AGO3: variants seen among roughly 807,000 people sequenced by gnomAD.
AGO3 encodes argonaute RISC catalytic component 3, also known as protein argonaute-3.
A neutral mutation model predicts 105.5 loss-of-function variants in AGO3; 16 were observed. That is an observed-to-expected ratio of 0.15 (90% CI 0.10 to 0.23). The LOEUF is 0.23. AGO3 is among the 10% of genes least tolerant of loss of function. The probability of loss-of-function intolerance (pLI) is 1.00; values close to 1 mark genes in which losing one functional copy is unlikely to be tolerated. For synonymous variants in AGO3, 340 were observed against 367.3 expected, an observed-to-expected ratio of 0.93 and a Z score of 0.85; for missense variants, 534 against 1,088.0, an observed-to-expected ratio of 0.49 and a Z score of 7.16.
In AGO3 at chr1:35,931,150, T is replaced by C. The variant is rs1646036697; in HGVS notation, c.-277T>C. 1 of 387,418 alleles carries C rather than the reference T, an allele frequency of 2.6e-6. No individual in the cohort carries two copies. Among genetic ancestry groups the C allele is most frequent in the African/African-American group, 2.1e-5 (1 of 47,772 alleles). 24.0% of individuals were successfully genotyped at this position (387,418 alleles called of 1,614,324 possible). A position where few individuals can be genotyped will look rare whatever the true frequency, so the allele number is the denominator to read the frequency against. ...CAGTCGTGGAGGAGCGGTGGGAGCGTCGGCGGCCGCGGGCGATGCAACTTC... is the reference window on the plus strand; with the variant it reads ...CAGTCGTGGAGGAGCGGTGGGAGCGCCGGCGGCCGCGGGCGATGCAACTTC... On this transcript the variant is annotated 5_prime_UTR_variant, in exon 1 of 19. Coordinates refer to ENST00000373191, the MANE Select transcript of AGO3 (RefSeq NM_024852.4).
At chr1:36,024,432 C>T (rs768957283) in intron 11 of AGO3, among the ~76,000 whole-genome samples, 1 of 152,154 alleles carries the variant, frequency 6.6e-6, no homozygotes, top group African/African-American at 2.4e-5. Flanking sequence ...CCACCGCACT[C>T]TGCCGACCTT....
At chr1:35,992,685 C>T (rs1289195961) in intron 5 of AGO3, among the ~76,000 whole-genome samples, 2 of 152,194 alleles carry the variant, frequency 1.3e-5, no homozygotes, top group Middle Eastern at 3.2e-3. Flanking sequence ...TGTGACATAG[C>T]ATATACTTAA....
intron 11 of AGO3, among the ~76,000 whole-genome samples, chr1:36,020,439 A>G (rs1192758996): frequency 6.6e-6 from 1 of 152,158 alleles, no homozygotes; most frequent in Non-Finnish European, 1.5e-5. Flanking sequence ...TGTCTCTTCA[A>G]TATGGTTCTG....
At chr1:35,987,756 T>TA (rs1196920982) in intron 5 of AGO3, among the ~76,000 whole-genome samples, 2 of 145,118 alleles carry the variant, frequency 1.4e-5, no homozygotes, top group African/African-American at 5.1e-5. Flanking sequence ...GGCAAAAAAA[T>TA]AAGATTGATT....
In AGO3 at chr1:36,057,453, T is replaced by C. The variant is rs931876671; in HGVS notation, c.*1708T>C. 1 of 152,134 alleles carries C rather than the reference T, an allele frequency of 6.6e-6. No homozygotes were observed. The highest frequency in any genetic ancestry group is 2.4e-5 in the African/African-American group (1 of 41,436). 9.4% of individuals were successfully genotyped at this position (152,134 alleles called of 1,614,324 possible). ...TGCTTTAATAATTATAGAATTGTAT[T>C]GGCAGCATCTTTTATAGAAATATAA... is the stretch of plus-strand genomic sequence containing the variant. On this transcript the variant is annotated 3_prime_UTR_variant, in exon 19 of 19. Coordinates refer to ENST00000373191, the MANE Select transcript of AGO3 (RefSeq NM_024852.4).
At chr1:36,040,223 C>T in intron 15 of AGO3, 84 bp from the exon 16 acceptor site, 2 of 1,434,438 alleles carry the variant, frequency 1.4e-6, no homozygotes, top group African/African-American at 1.4e-5. Flanking sequence ...TTAAGGAATC[C>T]TGAGATTAAA....
At chr1:36,012,691 T>C (rs1640678315) in intron 9 of AGO3, among the ~76,000 whole-genome samples, 1 of 152,166 alleles carries the variant, frequency 6.6e-6, no homozygotes, top group Admixed American at 6.5e-5. Flanking sequence ...AGATCTCCCA[T>C]AGTCAGAGGT....
rs187152763 is a variant in AGO3 at position 36,000,963 on chromosome 1, T to C, written c.659-3378T>C. 8.3e-3 allele frequency among the ~76,000 whole-genome samples: 1,259 copies of C among 152,116 alleles called. 19 individuals are homozygous for C. The highest frequency in any genetic ancestry group is 0.028 in the African/African-American group (1,179 of 41,520). ...CACAGAAATACTCATGGGCCAGGCG[T>C]GGTGGCTCACGCCTGTAATCCCAGC... is the stretch of plus-strand genomic sequence containing the variant. On this transcript the variant is annotated intron_variant, in intron 5 of 18. Transcript: ENST00000373191.
intron 2 of AGO3, among the ~76,000 whole-genome samples, chr1:35,955,806 G>T (rs1646554753): frequency 6.6e-6 from 1 of 152,072 alleles, no homozygotes; most frequent in African/African-American, 2.4e-5. Flanking sequence ...TGTTGCCCAG[G>T]CTGGCCTTGA....
chr1:35,982,637 G>A (rs1301802828), intron 5 of AGO3: 2 of 717,710 alleles, frequency 2.8e-6, no homozygotes, highest in South Asian at 3.0e-5. Flanking sequence ...ACCTCTGGCA[G>A]CAGTGTGGAG....
chr1:35,982,921 A>G (rs1647080125), intron 5 of AGO3: 1 of 348,098 alleles, frequency 2.9e-6, no homozygotes. Flanking sequence ...GTCAAGGTTC[A>G]GAACCTAGAG....
intron 1 of AGO3, among the ~76,000 whole-genome samples, chr1:35,943,554 G>C (rs1212482785): frequency 6.6e-6 from 1 of 150,386 alleles, no homozygotes; most frequent in Non-Finnish European, 1.5e-5. Context: ...ACCTGCCTTG[G>C]CCTCCCAAAG....
At chr1:36,005,726 A>T (rs1202711809) in intron 6 of AGO3, 1 of 985,260 alleles carries the variant, frequency 1.0e-6, no homozygotes, top group East Asian at 1.1e-4. Context: ...CAGAAAATAC[A>T]AGATGTACAG....
At chr1:36,028,885 T>A (rs1641637598) in intron 12 of AGO3, among the ~76,000 whole-genome samples, 1 of 152,110 alleles carries the variant, frequency 6.6e-6, no homozygotes, top group South Asian at 2.1e-4. Flanking sequence ...CTCACTATGT[T>A]TCTCGGGTTG....
rs1359265304 is a variant in AGO3, at chr1:36,056,050, C to T, written c.*305C>T. On this transcript the variant is annotated 3_prime_UTR_variant, in exon 19 of 19. Coordinates refer to ENST00000373191, the MANE Select transcript of AGO3 (RefSeq NM_024852.4). Reference sequence around the variant, plus strand: ...CTTTTAATGCCTTTACCTCAAGTTGCTTGGCAGCACAACTATCTTTGCAAA... The same window carrying T: ...CTTTTAATGCCTTTACCTCAAGTTGTTTGGCAGCACAACTATCTTTGCAAA... 3 of 210,204 alleles carry T rather than the reference C, an allele frequency of 1.4e-5. No homozygotes were observed. The highest frequency in any genetic ancestry group is 6.9e-5 in the African/African-American group (3 of 43,662). The allele number at this position is 210,204 out of a possible 1,614,324, so 13.0% of individuals were successfully genotyped here.
At chr1:36,044,216 G>A (rs541285580) in intron 17 of AGO3, among the ~76,000 whole-genome samples, 228 of 152,174 alleles carry the variant, frequency 1.5e-3, no homozygotes, top group Middle Eastern at 3.4e-3. Flanking sequence ...GTGGTAGCAC[G>A]TGCCTGTAGT....
chr1:35,937,572 T>TC (rs111375913), intron 1 of AGO3, among the ~76,000 whole-genome samples: 35,762 of 151,688 alleles, frequency 0.24, 6,912 homozygotes, highest in East Asian at 0.69. Context: ...ACACCTGTAA[T>TC]TCAGCCACTT....
rs1643171629 is a variant in AGO3 at position 36,071,963 on chromosome 1, T to C, written c.*16218T>C. The C allele has an allele frequency of 6.6e-6, 1 of 152,216 alleles. No individual in the cohort carries two copies. Among genetic ancestry groups the C allele is most frequent in the Non-Finnish European group, 1.5e-5 (1 of 68,030 alleles). 9.4% of individuals were successfully genotyped at this position (152,216 alleles called of 1,614,324 possible). A position where few individuals can be genotyped will look rare whatever the true frequency, so the allele number is the denominator to read the frequency against. On this transcript the variant is annotated 3_prime_UTR_variant, in exon 19 of 19. Transcript: ENST00000373191. The stretch of plus-strand genomic sequence containing the variant: ...GTTCTTGGGGGCCAGGCCTTGGATT[T>C]GGTTGTCATTTAAACTCCTTGAAGA...
chr1:35,996,542 G>A (rs1448842648), intron 5 of AGO3, among the ~76,000 whole-genome samples: 5 of 151,882 alleles, frequency 3.3e-5, no homozygotes, highest in South Asian at 2.1e-4. Context: ...AGGCCGAGGC[G>A]GGCAGATCAC....
Sources: allele counts gnomAD v4.1 joint callset (sites outside exome capture counted in the v4.1 genomes callset), GRCh38; gene constraint gnomAD v4.1.1; transcripts MANE v1.5; gene names NCBI Gene and HGNC (gene_info 2026-07-23, HGNC 2026-07-21).